CTNND2: variants seen among roughly 807,000 people sequenced by gnomAD.
CTNND2 encodes the protein catenin delta 2, also known as catenin delta-2.
CTNND2 carries 22 observed loss-of-function variants against 144.4 expected under a neutral mutation model. The ratio of observed to expected loss-of-function variants is 0.15; its 90% CI spans 0.11 to 0.22. The LOEUF (loss-of-function observed/expected upper bound fraction) is 0.22, where lower values mean the gene tolerates loss of function less well. Among genes scored for constraint, CTNND2 ranks in the 10% least tolerant of loss-of-function variants. The probability of loss-of-function intolerance (pLI) is 1.00; values close to 1 mark genes in which losing one functional copy is unlikely to be tolerated. For synonymous variants in CTNND2, 751 were observed against 695.6 expected (o/e 1.08, Z -1.25); for missense variants, 1,353 against 1,618.8 (o/e 0.84, Z 2.82).
In CTNND2 at chr5:11,662,030, TAC is replaced by T. The variant is rs894145940; in HGVS notation, c.174+70104_174+70105del. Among the ~76,000 whole-genome samples the T allele has an allele frequency of 4.1e-3, 620 of 149,406 alleles. 3 individuals are homozygous for T. Among genetic ancestry groups the T allele is most frequent in the African/African-American group, 9.9e-3 (398 of 40,324 alleles). ...ACACATATATACACACACACATATA[TAC>T]ACACACACACACATATATATACATA... On this transcript the variant is annotated intron_variant, in intron 2 of 21. Coordinates refer to ENST00000304623, the MANE Select transcript of CTNND2 (RefSeq NM_001332.4).
intron 2 of CTNND2, among the ~76,000 whole-genome samples, chr5:11,646,593 A>G (rs954674644): frequency 5.9e-5 from 9 of 152,022 alleles, no homozygotes; most frequent in East Asian, 5.8e-4. Context: ...TATTTTACCA[A>G]TGATGCATGG....
At chr5:11,175,248 T>G (rs1042713005) in intron 11 of CTNND2, among the ~76,000 whole-genome samples, 1 of 152,292 alleles carries the variant, frequency 6.6e-6, no homozygotes, top group East Asian at 1.9e-4. Context: ...TTGGTATATA[T>G]TCTCAAGTTT....
At chr5:11,052,936 A>G (rs1164855442) in intron 16 of CTNND2, among the ~76,000 whole-genome samples, 2 of 152,048 alleles carry the variant, frequency 1.3e-5, no homozygotes, top group African/African-American at 4.8e-5. Context: ...TTTTTTCCCC[A>G]TGAGTCAATT....
intron 10 of CTNND2, among the ~76,000 whole-genome samples, chr5:11,205,889 C>T (rs1429801426): frequency 2.6e-5 from 4 of 152,148 alleles, no homozygotes; most frequent in Non-Finnish European, 4.4e-5. Context: ...CTGCCTCAGA[C>T]CTAGGTTCAA....
intron 16 of CTNND2, among the ~76,000 whole-genome samples, chr5:11,055,051 T>C (rs1382913472): frequency 2.0e-5 from 3 of 152,194 alleles, no homozygotes; most frequent in African/African-American, 7.2e-5. Context: ...ATAGGAATGC[T>C]GGCTTGAAGT....
intron 16 of CTNND2, among the ~76,000 whole-genome samples, chr5:11,079,142 T>A (rs1376997645): frequency 8.1e-6 from 1 of 124,014 alleles, no homozygotes; most frequent in Non-Finnish European, 1.6e-5. Context: ...AAAAGAACCA[T>A]GTAACTATAA....
chr5:11,877,671 CA>C (rs138435824), intron 1 of CTNND2, among the ~76,000 whole-genome samples: 1 of 151,448 alleles, frequency 6.6e-6, no homozygotes, highest in Non-Finnish European at 1.5e-5. Context: ...TCAAGGTTTG[CA>C]AAAAAAATTT....
intron 2 of CTNND2, among the ~76,000 whole-genome samples, chr5:11,650,265 T>C (rs1581667273): frequency 1.3e-5 from 2 of 152,322 alleles, no homozygotes; most frequent in Non-Finnish European, 2.9e-5. Flanking sequence ...AAGACATGCC[T>C]GCTTCACCTT....
intron 19 of CTNND2, 149 bp downstream of exon 19, chr5:10,992,402 C>T (rs904410328): frequency 7.2e-6 from 8 of 1,104,940 alleles, no homozygotes; most frequent in African/African-American, 1.5e-5. Context: ...GTGGCCACCA[C>T]AGTACAAAGA....
chr5:10,991,312 T>C (rs913552544), intron 19 of CTNND2, among the ~76,000 whole-genome samples: 2 of 152,168 alleles, frequency 1.3e-5, no homozygotes, highest in Non-Finnish European at 2.9e-5. Context: ...CTCTACCAGG[T>C]CCTCCCAGGT....
At chr5:11,805,759 T>A (rs138269206) in intron 1 of CTNND2, among the ~76,000 whole-genome samples, 2 of 152,076 alleles carry the variant, frequency 1.3e-5, no homozygotes, top group East Asian at 3.9e-4. Flanking sequence ...GTAACTCACA[T>A]AGAACATAGA....
intron 2 of CTNND2, among the ~76,000 whole-genome samples, chr5:11,693,561 G>T (rs1785004054): frequency 6.6e-6 from 1 of 152,194 alleles, no homozygotes; most frequent in Admixed American, 6.5e-5. Flanking sequence ...AAAATGCCTG[G>T]AACAGGCACT....
rs549074115 is a variant in CTNND2, at chr5:11,358,627, G to C, written c.1372+6069C>G. 7.9e-5 allele frequency among the ~76,000 whole-genome samples: 12 copies of C among 152,202 alleles called. No individual in the cohort carries two copies. In the East Asian group the frequency reaches 2.3e-3, roughly 29 times the overall value. On this transcript the variant is annotated intron_variant, in intron 8 of 21. Coordinates refer to ENST00000304623, the MANE Select transcript of CTNND2 (RefSeq NM_001332.4). ...TTTAATTAAAATATTTTTGATACTG[G>C]ACTATTATTTATATCACAATGAATA...
intron 1 of CTNND2, among the ~76,000 whole-genome samples, chr5:11,757,918 G>A (rs544381662): frequency 6.6e-6 from 1 of 151,984 alleles, no homozygotes; most frequent in Admixed American, 6.6e-5. Flanking sequence ...TGAGACTCAG[G>A]AAAAATAAAC....
At chr5:11,436,250 C>T (rs2149883660) in intron 3 of CTNND2, among the ~76,000 whole-genome samples, 1 of 152,138 alleles carries the variant, frequency 6.6e-6, no homozygotes, top group Non-Finnish European at 1.5e-5. Flanking sequence ...ACAGTCAGAG[C>T]TGTCTGAGTT....
Position 11,270,079 on chromosome 5 carries a change from T to G in CTNND2, c.1629-33256A>C, listed in dbSNP as rs182288007. ...CTTTGTGGCAAACTTCAGTTAAATT[T>G]GTGTCTAAATCCTCAATGTTGAGTC... On this transcript the variant is annotated intron_variant, in intron 9 of 21. Coordinates refer to ENST00000304623, the MANE Select transcript of CTNND2 (RefSeq NM_001332.4). Among the ~76,000 whole-genome samples the G allele has an allele frequency of 7.2e-5, 11 of 152,328 alleles. No homozygotes were observed. The East Asian group carries it at 1.5e-3, about 21-fold the overall frequency.
chr5:11,235,100 G>A (rs1438444164), intron 10 of CTNND2, among the ~76,000 whole-genome samples: 1 of 152,104 alleles, frequency 6.6e-6, no homozygotes, highest in African/African-American at 2.4e-5. Flanking sequence ...CTTGGCATCA[G>A]AACAACCAAA....
intron 12 of CTNND2, among the ~76,000 whole-genome samples, chr5:11,121,699 A>G: frequency 6.6e-6 from 1 of 152,024 alleles, no homozygotes; most frequent in East Asian, 1.9e-4. Context: ...TTGAATCTCC[A>G]TCACTCAGTG....
At chr5:11,760,908 A>T (rs1789224902) in intron 1 of CTNND2, among the ~76,000 whole-genome samples, 1 of 152,192 alleles carries the variant, frequency 6.6e-6, no homozygotes, top group African/African-American at 2.4e-5. Flanking sequence ...TGAATGAACG[A>T]ATGAACAGTA....
Sources: gnomAD v4.1 joint callset for allele counts (sites outside exome capture counted in the v4.1 genomes callset) on GRCh38, gnomAD v4.1.1 for gene constraint, MANE v1.5 for transcripts, NCBI Gene and HGNC (gene_info 2026-07-23, HGNC 2026-07-21) for gene names.